The following FANCA variants were observed in gnomAD, a reference collection of about 807,000 sequenced individuals.
FANCA encodes the protein Fanconi anemia group A protein.
Under a neutral mutation model 194.3 loss-of-function variants are expected in FANCA, and 236 were observed. That is an observed-to-expected ratio of 1.21 (90% CI 1.09 to 1.35). The LOEUF (loss-of-function observed/expected upper bound fraction) is 1.35, where lower values mean the gene tolerates loss of function less well. FANCA is among the 40% of genes most tolerant of loss of function. FANCA has a pLI of 0.00. For missense variants in FANCA, 2,628 were observed against 1,813.9 expected (o/e 1.45, Z -8.15); for synonymous variants, 1,014 against 715.8 (o/e 1.42, Z -6.65).
At chr16:89,773,687 C>T (rs999482261) in intron 21 of FANCA, among the ~76,000 whole-genome samples, 10 of 151,922 alleles carry the variant, frequency 6.6e-5, no homozygotes, top group South Asian at 2.1e-4. Context: ...AGCATACACA[C>T]GGAAGAAAAC....
chr16:89,797,241 G>C (rs1286354151), intron 10 of FANCA, among the ~76,000 whole-genome samples: 1 of 152,186 alleles, frequency 6.6e-6, no homozygotes, highest in Non-Finnish European at 1.5e-5. Context: ...TGAGGCAGGA[G>C]AATCGCTTGA....
intron 18 of FANCA, 32 bp from the exon 19 acceptor site, chr16:89,779,035 T>G: frequency 1.2e-6 from 2 of 1,608,864 alleles, no homozygotes; most frequent in South Asian, 1.1e-5. Context: ...AGTGCATCAG[T>G]CAGAGCAGCG....
intron 11 of FANCA, 110 bp from the exon 12 acceptor site, chr16:89,792,657 CGAGA>C (rs1567636947): frequency 3.6e-6 from 3 of 831,694 alleles, no homozygotes; most frequent in African/African-American, 3.4e-5. Context: ...TGTGCGGCGA[CGAGA>C]GAGTGTAGAA....
intron 17 of FANCA, among the ~76,000 whole-genome samples, chr16:89,781,020 A>G (rs749766527): frequency 2.4e-4 from 37 of 152,140 alleles, no homozygotes; most frequent in African/African-American, 8.4e-4. Flanking sequence ...AATGTCACCT[A>G]TAAGTGTTCT....
At chr16:89,742,606 G>A (rs917807211) in intron 37 of FANCA, among the ~76,000 whole-genome samples, 194 bp downstream of exon 37, 22 of 138,466 alleles carry the variant, frequency 1.6e-4, no homozygotes, top group Non-Finnish European at 2.6e-4. Flanking sequence ...TCAGGAGATC[G>A]AGACCATCCT....
intron 28 of FANCA, among the ~76,000 whole-genome samples, chr16:89,764,150 G>T (rs886362121): frequency 6.6e-6 from 1 of 151,996 alleles, no homozygotes; most frequent in South Asian, 2.1e-4. Flanking sequence ...GCTGAGGCAT[G>T]AGAATTGCTT....
intron 31 of FANCA, 143 bp downstream of exon 31, chr16:89,751,995 C>A (rs1291685830): frequency 1.3e-6 from 1 of 777,976 alleles, no homozygotes; most frequent in Non-Finnish European, 2.3e-6. Context: ...TGGTCTCGAT[C>A]TCCTGACTGT....
At chr16:89,740,298 C>T in intron 38 of FANCA, 199 bp from the exon 39 acceptor site, 1 of 601,168 alleles carries the variant, frequency 1.7e-6, no homozygotes, top group Non-Finnish European at 3.0e-6. Context: ...GGACTTCGAG[C>T]ACCCACACCA....
Position 89,778,364 on chromosome 16 carries a change from G to A in FANCA, c.1826+437C>T, listed in dbSNP as rs181740981. 2.2e-3 allele frequency: 835 copies of A among 372,946 alleles called. 5 individuals carry two copies. The highest frequency in any genetic ancestry group is 0.012 in the Middle Eastern group (13 of 1,098). The allele number at this position is 372,946 out of a possible 1,614,324, so 23.1% of individuals were successfully genotyped here. A position where few individuals can be genotyped will look rare whatever the true frequency, so the allele number is the denominator to read the frequency against. ...ACCTATAATCCCAGCTACTCAGGAGGCTGAGGCAGGACAATTGCTCCAACC... is the reference window on the plus strand; with the variant it reads ...ACCTATAATCCCAGCTACTCAGGAGACTGAGGCAGGACAATTGCTCCAACC... On this transcript the variant is annotated intron_variant, in intron 20 of 42. Coordinates refer to ENST00000389301, the MANE Select transcript of FANCA (RefSeq NM_000135.4).
At position 89,749,846 on chromosome 16, in the gene FANCA, G is replaced by A. The variant is rs978882053; in HGVS notation, c.3123C>T (p.Thr1041=). 3.7e-6 allele frequency: 6 copies of A among 1,614,076 alleles called. No homozygotes were observed. The South Asian group carries it at 6.6e-5, about 18-fold the overall frequency. ...QQDLIVPLGH[T]PSQEHFLFEI... ...CAAAGAGGAAGTGCTCCTGGGAAGG[G>A]GTGTGGCCGAGAGGCACTATGAGGT... is the stretch of plus-strand genomic sequence containing the variant. Residue 1041 remains threonine, a synonymous_variant, in exon 32 of 43, where the codon ACC becomes ACT. Coordinates refer to ENST00000389301, the MANE Select transcript of FANCA (RefSeq NM_000135.4).
At chr16:89,770,360 G>A in intron 24 of FANCA, 101 bp from the exon 25 acceptor site, 2 of 1,192,716 alleles carry the variant, frequency 1.7e-6, no homozygotes, top group Non-Finnish European at 2.4e-6. Flanking sequence ...GAGCCAAGCT[G>A]TTCCCCAAAA....
chr16:89,779,998 C>G (rs2039646266), intron 17 of FANCA, 41 bp from the exon 18 acceptor site: 1 of 1,580,280 alleles, frequency 6.3e-7, no homozygotes, highest in Non-Finnish European at 8.7e-7. Context: ...GAACAGAGGA[C>G]TTTAAAGAAA....
Position 89,771,741 on chromosome 16 carries a change from G to A in FANCA, c.2088C>T (p.Ser696=), listed in dbSNP as rs150917432. ...AVLGHNEDDS[S]VEISKIQLSI... is the part of the protein sequence containing the mutation. ...TGAGCTGAATCTTTGATATCTCAAC[G>A]CTGCTGTCATCCTCATTGTGGCCCA... Residue 696 remains serine (S), a synonymous_variant, in exon 23 of 43, where the codon AGC becomes AGT. Transcript: ENST00000389301. The A allele has an allele frequency of 2.6e-5, 42 of 1,613,994 alleles. No individual in the cohort carries two copies. The highest frequency in any genetic ancestry group is 1.7e-4 in the Middle Eastern group (1 of 6,048).
At position 89,773,307 on chromosome 16, in the gene FANCA, G is replaced by C. The variant is rs1295951710; in HGVS notation, c.1978C>G (p.Leu660Val). ...CTGGGGTCTGTCATGGAGGCTCTCAGCTCTCCCAGTGCAGCTGTGAGCTGT... is the reference window on the plus strand; with the variant it reads ...CTGGGGTCTGTCATGGAGGCTCTCACCTCTCCCAGTGCAGCTGTGAGCTGT... ...LGQLTAALGE[L>V]RASMTDPSQR... is the part of the protein sequence containing the mutation. The change falls in exon 22 of 43, where the codon CTG becomes GTG. Residue 660 changes from leucine to valine, a missense_variant. By Grantham distance (32) the Leu-to-Val change is conservative. Transcript: ENST00000389301. 1 of 1,551,452 alleles carries C rather than the reference G, an allele frequency of 6.4e-7. No individual in the cohort carries two copies. Among genetic ancestry groups the C allele is most frequent in the Non-Finnish European group, 8.7e-7 (1 of 1,146,948 alleles).
intron 37 of FANCA, among the ~76,000 whole-genome samples, chr16:89,741,730 C>T (rs1322534904): frequency 6.6e-6 from 1 of 152,122 alleles, no homozygotes; most frequent in Non-Finnish European, 1.5e-5. Flanking sequence ...GCAGACGGTC[C>T]CATCCTTGCT....
chr16:89,796,021 G>GC lies in FANCA; in HGVS notation c.894-4dup. On this transcript the variant is annotated splice_polypyrimidine_tract_variant and splice_region_variant and intron_variant, in intron 10 of 42. Transcript: ENST00000389301. ...TGTGTCCACTGAACACTCCGAACCT[G>GC]CCAATGCAGCAGAAAGAGGGGTCAG... 6.2e-7 allele frequency: 1 copy of GC among 1,611,844 alleles called. No homozygotes were observed. Among genetic ancestry groups the GC allele is most frequent in the Non-Finnish European group, 8.5e-7 (1 of 1,177,970 alleles).
At chr16:89,787,069 G>A (rs901733455) in intron 14 of FANCA, among the ~76,000 whole-genome samples, 6 of 152,218 alleles carry the variant, frequency 3.9e-5, no homozygotes, top group African/African-American at 1.4e-4. Flanking sequence ...GCCAGACCTG[G>A]GGTCACAGCA....
chr16:89,739,620 C>T, intron 39 of FANCA, 67 bp from the exon 40 acceptor site: 1 of 1,530,122 alleles, frequency 6.5e-7, no homozygotes, highest in South Asian at 1.2e-5. Flanking sequence ...CTGGGGACAC[C>T]CCTGGGGGTC....
At chr16:89,768,184 G>A (rs2039195955) in intron 26 of FANCA, among the ~76,000 whole-genome samples, 1 of 152,024 alleles carries the variant, frequency 6.6e-6, no homozygotes. Flanking sequence ...AGGCTGAGGT[G>A]GGAAGATCAC....
Sources: allele counts gnomAD v4.1 joint callset (sites outside exome capture counted in the v4.1 genomes callset), GRCh38; gene constraint gnomAD v4.1.1; transcripts MANE v1.5; gene names NCBI Gene and HGNC (gene_info 2026-07-23, HGNC 2026-07-21).